MECOM: variants seen among roughly 807,000 people sequenced by gnomAD.
MECOM encodes MDS1 and EVI1 complex locus, also known as histone-lysine N-methyltransferase MECOM.
MECOM carries 13 observed loss-of-function variants against 116.3 expected under a neutral mutation model. The observed-to-expected ratio is 0.11, with a 90% CI of 0.07 to 0.18. MECOM has a LOEUF of 0.18. Ranked by LOEUF, MECOM falls within the 10% of genes least tolerant of loss-of-function variation. The pLI, the probability that MECOM is intolerant of heterozygous loss-of-function variation, is 1.00. For missense variants in MECOM, 1,299 were observed against 1,509.0 expected (o/e 0.86, Z 2.31); for synonymous variants, 528 against 535.2 (o/e 0.99, Z 0.19).
chr3:169,546,470 C>T (rs1163428927), intron 1 of MECOM, among the ~76,000 whole-genome samples: 2 of 152,182 alleles, frequency 1.3e-5, no homozygotes, highest in Admixed American at 6.5e-5. Flanking sequence ...CCTCACCTAA[C>T]ATATGAAGAA....
intron 2 of MECOM, among the ~76,000 whole-genome samples, chr3:169,317,001 G>T (rs16853499): frequency 0.35 from 52,812 of 152,020 alleles, 9,508 homozygotes; most frequent in Admixed American, 0.48. Flanking sequence ...ATCAAAAAGG[G>T]CATGATTCCA....
intron 2 of MECOM, among the ~76,000 whole-genome samples, chr3:169,342,301 G>A (rs1303220260): frequency 6.6e-6 from 1 of 151,702 alleles, no homozygotes; most frequent in Non-Finnish European, 1.5e-5. Context: ...TGTTATATTT[G>A]GGATTTTTGA....
intron 1 of MECOM, among the ~76,000 whole-genome samples, chr3:169,478,602 A>T (rs9290368): frequency 0.94 from 143,651 of 152,264 alleles, 67,818 homozygotes; most frequent in East Asian, 0.98. Context: ...GTTCCCAGAT[A>T]CCAAAGGCTT....
intron 2 of MECOM, among the ~76,000 whole-genome samples, chr3:169,333,861 T>C (rs1723137784): frequency 6.7e-6 from 1 of 148,770 alleles, no homozygotes; most frequent in Admixed American, 6.7e-5. Flanking sequence ...TCCTTCCTTC[T>C]TTCCTTCCTT....
chr3:169,604,537 T>C (rs9814415), intron 1 of MECOM, among the ~76,000 whole-genome samples: 45,042 of 152,038 alleles, frequency 0.3, 7,003 homozygotes, highest in Non-Finnish European at 0.35. Context: ...ACTGGAGGAC[T>C]GGACTTGTGC....
intron 9 of MECOM, among the ~76,000 whole-genome samples, chr3:169,109,988 A>G (rs1277979226): frequency 6.6e-6 from 1 of 152,142 alleles, no homozygotes; most frequent in Non-Finnish European, 1.5e-5. Context: ...TCCCTTTATT[A>G]TTATGATAAC....
At chr3:169,431,332 T>C (rs535844924) in intron 1 of MECOM, among the ~76,000 whole-genome samples, 1 of 152,260 alleles carries the variant, frequency 6.6e-6, no homozygotes, top group South Asian at 2.1e-4. Flanking sequence ...GCTGGGAACT[T>C]CCTGTGGTTA....
chr3:169,106,660 G>A (rs1057053485), intron 10 of MECOM, among the ~76,000 whole-genome samples: 2 of 152,130 alleles, frequency 1.3e-5, no homozygotes, highest in African/African-American at 4.8e-5. Context: ...GCCTTGGTAA[G>A]TTGGTACAAT....
chr3:169,113,804 C>G (rs907510534), intron 8 of MECOM, among the ~76,000 whole-genome samples: 46 of 152,086 alleles, frequency 3.0e-4, no homozygotes, highest in African/African-American at 1.1e-3. Context: ...TATACTATTT[C>G]ACTTTTTGAA....
chr3:169,261,873 A>C (rs1757601224), intron 2 of MECOM, among the ~76,000 whole-genome samples: 1 of 152,260 alleles, frequency 6.6e-6, no homozygotes, highest in Non-Finnish European at 1.5e-5. Context: ...CAAATGCAGA[A>C]GTACAGACAG....
intron 1 of MECOM, among the ~76,000 whole-genome samples, chr3:169,556,538 C>T (rs1762054277): frequency 6.6e-6 from 1 of 152,172 alleles, no homozygotes; most frequent in Admixed American, 6.5e-5. Flanking sequence ...CACCAGTGAT[C>T]CCCACCTCCT....
At chr3:169,492,725 GC>G (rs1753243857) in intron 1 of MECOM, among the ~76,000 whole-genome samples, 1 of 152,128 alleles carries the variant, frequency 6.6e-6, no homozygotes. Context: ...ACTTTGGGAG[GC>G]CGAGGCGGGC....
intron 1 of MECOM, among the ~76,000 whole-genome samples, chr3:169,441,274 T>C (rs1296026923): frequency 6.6e-6 from 1 of 152,196 alleles, no homozygotes; most frequent in African/African-American, 2.4e-5. Flanking sequence ...CACGTTTCTG[T>C]GCTGTATGAC....
intron 3 of MECOM, chr3:169,131,765 C>T (rs1409025119): frequency 7.7e-6 from 5 of 645,262 alleles, no homozygotes; most frequent in South Asian, 2.4e-5. Flanking sequence ...TTTCCAAATC[C>T]TACTTCACAA....
chr3:169,294,131 T>C (rs1715132809), intron 2 of MECOM, among the ~76,000 whole-genome samples: 1 of 152,198 alleles, frequency 6.6e-6, no homozygotes, highest in African/African-American at 2.4e-5. Context: ...TTTATGGGTT[T>C]TTTTTGGTTA....
chr3:169,536,102 C>T lies in MECOM; in HGVS notation c.37+127234G>A, dbSNP rs1025008584. Among the ~76,000 whole-genome samples, 3 of 152,082 alleles carry T rather than the reference C, an allele frequency of 2.0e-5. No homozygotes were observed. In the East Asian group the frequency reaches 5.8e-4, roughly 29 times the overall value. ...ACCATAACAGGAGTCCTGGTTCAGC[C>T]ACCACTGAACCTTGTTCTGTGCCTT... On this transcript the variant is annotated intron_variant, in intron 1 of 16. Transcript: ENST00000651503.
intron 2 of MECOM, chr3:169,145,084 C>A: frequency 1.3e-6 from 2 of 1,502,368 alleles, no homozygotes; most frequent in Non-Finnish European, 1.8e-6. Flanking sequence ...AATTGAAGGG[C>A]AATAAGTCGT....
At position 169,302,445 on chromosome 3, in the gene MECOM, A is replaced by G. The variant is rs567567105; in HGVS notation, c.375+78742T>C. On this transcript the variant is annotated intron_variant, in intron 2 of 16. Coordinates refer to ENST00000651503, the MANE Select transcript of MECOM (RefSeq NM_004991.4). ...GCTGTTGGTTTTTCTCTAAAATAAA[A>G]AGAAATCTGGTGAATTCAAACAATT... 6.6e-5 allele frequency among the ~76,000 whole-genome samples: 10 copies of G among 152,376 alleles called. No homozygotes were observed. The East Asian group carries it at 1.9e-3, about 29-fold the overall frequency.
In MECOM at chr3:169,249,450, C is replaced by T. The variant is rs535620408; in HGVS notation, c.376-105618G>A. Among the ~76,000 whole-genome samples, 15 of 152,270 alleles carry T rather than the reference C, an allele frequency of 9.9e-5. No individual in the cohort carries two copies. In the South Asian group the frequency reaches 1.7e-3, roughly 17 times the overall value. Reference sequence around the variant, plus strand: ...AGATCTGCAAATCTTCCTTGGCTCCCGGTCCAAGGCAGAGGTATTGTTACT... The same window carrying T: ...AGATCTGCAAATCTTCCTTGGCTCCTGGTCCAAGGCAGAGGTATTGTTACT... On this transcript the variant is annotated intron_variant, in intron 2 of 16. Transcript: ENST00000651503.
Sources: gnomAD v4.1 joint callset for allele counts (sites outside exome capture counted in the v4.1 genomes callset) on GRCh38, gnomAD v4.1.1 for gene constraint, MANE v1.5 for transcripts, NCBI Gene and HGNC (gene_info 2026-07-23, HGNC 2026-07-21) for gene names.